Variants in KIN observed in about 807,000 individuals in gnomAD.
The protein encoded by KIN is DNA/RNA-binding protein KIN17.
A neutral mutation model predicts 63.0 loss-of-function variants in KIN; 47 were observed. The ratio of observed to expected loss-of-function variants is 0.75; its 90% CI spans 0.59 to 0.95. KIN has a LOEUF of 0.95. KIN is among the 40% of genes least tolerant of loss of function. The pLI is 0.00. For synonymous variants in KIN, 160 were observed against 157.7 expected, an observed-to-expected ratio of 1.01 and a Z score of -0.11; for missense variants, 408 against 460.9, an observed-to-expected ratio of 0.89 and a Z score of 1.05.
At chr10:7,787,678 A>C (rs1223051145) in intron 1 of KIN, 142 bp downstream of exon 1, 2 of 665,192 alleles carry the variant, frequency 3.0e-6, no homozygotes, top group Non-Finnish European at 5.3e-6. Flanking sequence ...TGAGTAGTTG[A>C]CTCGCCCACT....
At chr10:7,762,268 A>C (rs1835449683) in intron 11 of KIN, among the ~76,000 whole-genome samples, 189 bp downstream of exon 11, 1 of 152,178 alleles carries the variant, frequency 6.6e-6, no homozygotes, top group Non-Finnish European at 1.5e-5. Flanking sequence ...TGATGCCACA[A>C]AACAGCTTCA....
rs1402353357 is a variant in KIN, at chr10:7,751,828, A to T, written c.*4252T>A. On this transcript the variant is annotated 3_prime_UTR_variant, in exon 13 of 13. Coordinates refer to ENST00000379562, the MANE Select transcript of KIN (RefSeq NM_012311.4). The stretch of plus-strand genomic sequence containing the variant: ...CCTGCAGATATTAAGTTTAGCTTTT[A>T]GTATTTTATGTGTGCACAGTGGTCT... The T allele has an allele frequency of 6.7e-6, 1 of 149,848 alleles. No homozygotes were observed. 9.3% of individuals were successfully genotyped at this position (149,848 alleles called of 1,614,324 possible).
chr10:7,765,333 G>A (rs936417184), intron 9 of KIN, among the ~76,000 whole-genome samples: 1 of 151,944 alleles, frequency 6.6e-6, no homozygotes, highest in Non-Finnish European at 1.5e-5. Flanking sequence ...AGTGGTGCAT[G>A]CTTGTAGTCC....
rs972577143 is a variant in KIN, at chr10:7,768,500, G to T, written c.798+716C>A. ...TGTGCCACTGCACTCTGTCTGGCCT[G>T]GGCAACAGAGAGAGACTGTCTCAAC... On this transcript the variant is annotated intron_variant, in intron 8 of 12. Coordinates refer to ENST00000379562, the MANE Select transcript of KIN (RefSeq NM_012311.4). 7.3e-5 allele frequency among the ~76,000 whole-genome samples: 11 copies of T among 151,674 alleles called. 1 individual carries two copies. Among genetic ancestry groups the T allele is most frequent in the African/African-American group, 2.7e-4 (11 of 41,278 alleles).
At chr10:7,767,375 A>T (rs374075732) in intron 8 of KIN, among the ~76,000 whole-genome samples, 4 of 152,202 alleles carry the variant, frequency 2.6e-5, no homozygotes, top group East Asian at 3.9e-4. Context: ...TCACTGCTGA[A>T]CAGCTCTGAC....
chr10:7,769,449 T>G, intron 7 of KIN, 104 bp from the exon 8 acceptor site: 2 of 1,127,496 alleles, frequency 1.8e-6, no homozygotes, highest in Non-Finnish European at 2.5e-6. Context: ...ACATAGTAAT[T>G]TACAGGAGAT....
At chr10:7,760,919 G>A (rs1835424574) in intron 11 of KIN, among the ~76,000 whole-genome samples, 1 of 152,168 alleles carries the variant, frequency 6.6e-6, no homozygotes. Flanking sequence ...CACCACATAG[G>A]TGAATCCAAA....
intron 8 of KIN, among the ~76,000 whole-genome samples, chr10:7,768,817 G>C (rs1835606125): frequency 6.6e-6 from 1 of 152,058 alleles, no homozygotes; most frequent in African/African-American, 2.4e-5. Flanking sequence ...AGGAGTTTGA[G>C]ATCAGCCTGG....
chr10:7,779,198 A>G (rs1037600369), intron 4 of KIN, among the ~76,000 whole-genome samples, 179 bp from the exon 5 acceptor site: 1 of 152,210 alleles, frequency 6.6e-6, no homozygotes, highest in African/African-American at 2.4e-5. Flanking sequence ...ACTTGAGGTC[A>G]GGAGCTCAAG....
intron 1 of KIN, 62 bp downstream of exon 1, chr10:7,787,758 G>T: frequency 7.5e-7 from 1 of 1,330,778 alleles, no homozygotes. Flanking sequence ...CCGCGTCCAG[G>T]ACCTGATCCT....
In KIN at chr10:7,778,963, C is replaced by G. The variant is rs1835839950; in HGVS notation, c.433G>C (p.Asp145His). Residue 145 changes from aspartate to histidine, a missense_variant, in exon 5 of 13, where the codon GAC (aspartate) becomes CAC (histidine). Around this residue, in one of 2 missense-constraint regions of KIN, gnomAD observed 298 missense variants for 296.0 expected, o/e 1.01. Transcript: ENST00000379562. ...AGTTGCCGGCGGATAGTTTCTGGGT[C>G]CCTGTCTATGTACTGAATATACCAG... ...KGWYIQYIDR[D>H]PETIRRQLEL... is the part of the protein sequence containing the mutation. The G allele has an allele frequency of 1.9e-6, 3 of 1,614,086 alleles. No homozygotes were observed. Among genetic ancestry groups the G allele is most frequent in the South Asian group, 1.1e-5 (1 of 91,068 alleles).
Position 7,751,441 on chromosome 10 carries a change from G to A in KIN, c.*4639C>T, listed in dbSNP as rs1389897672. The A allele has an allele frequency of 1.3e-5, 2 of 152,072 alleles. No homozygotes were observed. The highest frequency in any genetic ancestry group is 4.8e-5 in the African/African-American group (2 of 41,392). 9.4% of individuals were successfully genotyped at this position (152,072 alleles called of 1,614,324 possible). A position where few individuals can be genotyped will look rare whatever the true frequency, so the allele number is the denominator to read the frequency against. ...AAGCTAAAGATTACTGGCTGGGTGT[G>A]GTGCCTCATGCCTATAATCCCAGCA... is the stretch of plus-strand genomic sequence containing the variant. On this transcript the variant is annotated 3_prime_UTR_variant, in exon 13 of 13. Transcript: ENST00000379562.
At chr10:7,768,065 T>A (rs1387533625) in intron 8 of KIN, among the ~76,000 whole-genome samples, 1 of 152,140 alleles carries the variant, frequency 6.6e-6, no homozygotes, top group Non-Finnish European at 1.5e-5. Context: ...TGTGTTAGAA[T>A]GGAGAAGGGG....
At chr10:7,776,010 T>C (rs180688149) in intron 5 of KIN, among the ~76,000 whole-genome samples, 1 of 151,834 alleles carries the variant, frequency 6.6e-6, no homozygotes, top group Non-Finnish European at 1.5e-5. Context: ...GGGCAGATCA[T>C]GAGGTCAGTA....
intron 9 of KIN, among the ~76,000 whole-genome samples, chr10:7,764,523 A>G (rs1835500613): frequency 1.3e-5 from 2 of 152,378 alleles, no homozygotes; most frequent in South Asian, 4.1e-4. Flanking sequence ...AAGTGAATAT[A>G]TCAAAGAGAT....
chr10:7,774,778 A>G, intron 7 of KIN, 53 bp downstream of exon 7: 1 of 1,350,872 alleles, frequency 7.4e-7, no homozygotes, highest in African/African-American at 1.4e-5. Flanking sequence ...ACAGTAACCA[A>G]TATTTCACAA....
chr10:7,787,525 TC>T (rs1408224447), intron 1 of KIN, among the ~76,000 whole-genome samples: 1 of 152,164 alleles, frequency 6.6e-6, no homozygotes, highest in East Asian at 1.9e-4. Context: ...TATTGCAGTA[TC>T]CCCGCCCCTG....
intron 2 of KIN, among the ~76,000 whole-genome samples, chr10:7,780,563 T>C (rs1835876871): frequency 6.6e-6 from 1 of 151,910 alleles, no homozygotes; most frequent in African/African-American, 2.4e-5. Context: ...CCTGGCTAAT[T>C]TTGTTTCGTA....
intron 7 of KIN, among the ~76,000 whole-genome samples, chr10:7,772,164 G>C (rs1835679523): frequency 6.6e-6 from 1 of 152,136 alleles, no homozygotes; most frequent in Admixed American, 6.6e-5. Context: ...TTAATAGTAT[G>C]TAAAAAAATT....
Sources: allele counts gnomAD v4.1 joint callset (sites outside exome capture counted in the v4.1 genomes callset), GRCh38; gene constraint gnomAD v4.1.1; regional missense constraint gnomAD v4.1.1; transcripts MANE v1.5; gene names NCBI Gene and HGNC (gene_info 2026-07-23, HGNC 2026-07-21).